The following EYA2 variants were observed in gnomAD, a reference collection of about 807,000 sequenced individuals.
EYA2 encodes the protein protein phosphatase EYA2.
In EYA2, 31 loss-of-function variants were observed where a neutral mutation model predicts 69.2. The ratio of observed to expected loss-of-function variants is 0.45; its 90% CI spans 0.34 to 0.60. EYA2 has a LOEUF of 0.60. Among genes scored for constraint, EYA2 ranks in the 20% least tolerant of loss-of-function variants. The probability of loss-of-function intolerance (pLI) is 0.02; values close to 1 mark genes in which losing one functional copy is unlikely to be tolerated. For synonymous variants in EYA2, 257 were observed against 279.4 expected, an observed-to-expected ratio of 0.92 and a Z score of 0.80; for missense variants, 622 against 701.2, an observed-to-expected ratio of 0.89 and a Z score of 1.28.
In EYA2 at chr20:47,083,030, C is replaced by CA. The variant is rs373084634; in HGVS notation, c.662-6202dup. Among the ~76,000 whole-genome samples the CA allele has an allele frequency of 4.9e-3, 738 of 152,022 alleles. 7 individuals carry two copies. Among genetic ancestry groups the CA allele is most frequent in the African/African-American group, 0.015 (628 of 41,452 alleles). On this transcript the variant is annotated intron_variant, in intron 7 of 15. Coordinates refer to ENST00000327619, the MANE Select transcript of EYA2 (RefSeq NM_005244.5). ...GCAACATAGCAAGACCCTGTCTCTGCAAAAAAATAAAAATAACCCAGGCAG... is the reference window on the plus strand; with the variant it reads ...GCAACATAGCAAGACCCTGTCTCTGCAAAAAAAATAAAAATAACCCAGGCAG...
intron 5 of EYA2, among the ~76,000 whole-genome samples, chr20:47,040,415 C>T (rs1381455715): frequency 6.6e-6 from 1 of 152,224 alleles, no homozygotes; most frequent in Non-Finnish European, 1.5e-5. Context: ...CAAGCTCCTT[C>T]CACAGTCTGA....
chr20:46,968,448 A>C (rs1979924849), intron 1 of EYA2, among the ~76,000 whole-genome samples: 1 of 152,210 alleles, frequency 6.6e-6, no homozygotes, highest in Non-Finnish European at 1.5e-5. Flanking sequence ...TGTACAGATG[A>C]GCAGGGACTC....
chr20:47,009,184 C>T (rs577176174), intron 4 of EYA2, among the ~76,000 whole-genome samples: 6 of 152,296 alleles, frequency 3.9e-5, no homozygotes, highest in South Asian at 4.1e-4. Flanking sequence ...CACACACACA[C>T]GCGTGCACGC....
intron 10 of EYA2, among the ~76,000 whole-genome samples, chr20:47,160,236 T>C (rs966434731): frequency 5.3e-5 from 8 of 151,848 alleles, no homozygotes; most frequent in Non-Finnish European, 1.2e-4. Context: ...ACACCAGGGG[T>C]CAACAAACTT....
intron 9 of EYA2, among the ~76,000 whole-genome samples, chr20:47,125,047 G>GTTTTTT (rs11478823): frequency 6.8e-5 from 6 of 88,422 alleles, no homozygotes; most frequent in Non-Finnish European, 1.1e-4. Flanking sequence ...TTTTGGTTAA[G>GTTTTTT]TTTTTTTTTT....
chr20:47,123,287 A>G (rs904960009), intron 9 of EYA2, among the ~76,000 whole-genome samples: 5 of 152,146 alleles, frequency 3.3e-5, no homozygotes, highest in African/African-American at 4.8e-5. Context: ...AACATTTCTC[A>G]TTTCTTTGTG....
intron 1 of EYA2, among the ~76,000 whole-genome samples, chr20:46,966,093 A>G (rs1979761255): frequency 6.6e-6 from 1 of 152,228 alleles, no homozygotes; most frequent in Admixed American, 6.5e-5. Flanking sequence ...AACTGTTCTT[A>G]ACAACCAGGA....
At chr20:47,143,305 G>A (rs1478608132) in intron 10 of EYA2, among the ~76,000 whole-genome samples, 157 bp downstream of exon 10, 1 of 151,776 alleles carries the variant, frequency 6.6e-6, no homozygotes, top group East Asian at 1.9e-4. Flanking sequence ...CCCCAAAAAG[G>A]CCCAAAACTG....
At chr20:47,074,357 G>A in intron 7 of EYA2, 22 bp downstream of exon 7, 1 of 1,610,684 alleles carries the variant, frequency 6.2e-7, no homozygotes, top group Non-Finnish European at 8.5e-7. Flanking sequence ...CACTGGTGGG[G>A]CCATTCATGG....
At chr20:46,901,797 G>C (rs1182631761) in intron 1 of EYA2, 4 of 152,186 alleles carry the variant, frequency 2.6e-5, no homozygotes, top group African/African-American at 9.7e-5. Context: ...GTGTCACGTG[G>C]TATAACAAGT....
At chr20:47,042,984 C>G (rs1985162947) in intron 5 of EYA2, among the ~76,000 whole-genome samples, 1 of 152,014 alleles carries the variant, frequency 6.6e-6, no homozygotes, top group Non-Finnish European at 1.5e-5. Flanking sequence ...ATTTTCTTAA[C>G]AAGAAAGGAG....
intron 2 of EYA2, among the ~76,000 whole-genome samples, chr20:46,990,432 T>C (rs974183478): frequency 1.3e-5 from 2 of 152,158 alleles, no homozygotes; most frequent in African/African-American, 4.8e-5. Flanking sequence ...CCCTTGGATG[T>C]GTTTTGCAGT....
intron 1 of EYA2, among the ~76,000 whole-genome samples, chr20:46,941,196 C>G (rs953401028): frequency 6.6e-6 from 1 of 152,212 alleles, no homozygotes; most frequent in South Asian, 2.1e-4. Context: ...GGCTTTGCCC[C>G]TAAGAGCTGC....
intron 9 of EYA2, among the ~76,000 whole-genome samples, chr20:47,130,864 C>A (rs1386898158): frequency 6.6e-6 from 1 of 152,140 alleles, no homozygotes; most frequent in East Asian, 1.9e-4. Context: ...CCAAGGTAGG[C>A]AGATCACCTG....
chr20:47,060,877 TG>T (rs1311529428), intron 5 of EYA2, among the ~76,000 whole-genome samples: 1 of 133,734 alleles, frequency 7.5e-6, no homozygotes, highest in Non-Finnish European at 1.6e-5. Flanking sequence ...TTTTTGGAAA[TG>T]GGGTTTTGCT....
Position 46,907,835 on chromosome 20 carries a change from AAAACAAAC to A in EYA2, c.-11+12872_-11+12879del, listed in dbSNP as rs60032049. Among the ~76,000 whole-genome samples the A allele has an allele frequency of 3.9e-4, 59 of 150,460 alleles. No homozygotes were observed. In the East Asian group the frequency reaches 4.2e-3, roughly 11 times the overall value. Reference sequence around the variant, plus strand: ...GGGTGACAGAGGGAGACTCCATCTGAAAACAAACAAACAAACAAACAAACAAACAAAGT... The same window carrying A: ...GGGTGACAGAGGGAGACTCCATCTGAAAACAAACAAACAAACAAACAAAGT... On this transcript the variant is annotated intron_variant, in intron 1 of 15. Transcript: ENST00000327619.
At chr20:47,124,000 G>C (rs1039307945) in intron 9 of EYA2, among the ~76,000 whole-genome samples, 6 of 152,004 alleles carry the variant, frequency 3.9e-5, no homozygotes, top group Admixed American at 3.9e-4. Flanking sequence ...AAAAAGGTGG[G>C]GGAGTGGGGG....
At chr20:47,039,538 G>A (rs1984919342) in intron 5 of EYA2, among the ~76,000 whole-genome samples, 1 of 152,148 alleles carries the variant, frequency 6.6e-6, no homozygotes, top group South Asian at 2.1e-4. Context: ...CCCACAGAAA[G>A]AAATGCGTTT....
At chr20:47,166,393 T>TTAAAAAA (rs1555806208) in intron 10 of EYA2, among the ~76,000 whole-genome samples, 396 of 34,520 alleles carry the variant, frequency 0.011, 54 homozygotes, top group Middle Eastern at 0.033. Context: ...CAAGACTGTC[T>TTAAAAAA]AAAAAAAAAA....
Sources: gnomAD v4.1 joint callset for allele counts (sites outside exome capture counted in the v4.1 genomes callset) on GRCh38, gnomAD v4.1.1 for gene constraint, MANE v1.5 for transcripts, NCBI Gene and HGNC (gene_info 2026-07-23, HGNC 2026-07-21) for gene names.